The following DHDH variants were observed in gnomAD, a reference collection of about 807,000 sequenced individuals.
DHDH encodes the protein trans-1,2-dihydrobenzene-1,2-diol dehydrogenase.
Under a neutral mutation model 33.2 loss-of-function variants are expected in DHDH, and 29 were observed. That is an observed-to-expected ratio of 0.87 (90% CI 0.65 to 1.19). The LOEUF is 1.19. Among genes scored for constraint, DHDH ranks in the 50% most tolerant of loss-of-function variants. DHDH has a pLI of 0.00. For synonymous variants in DHDH, 201 were observed against 187.9 expected, an observed-to-expected ratio of 1.07 and a Z score of -0.57; for missense variants, 431 against 455.0, an observed-to-expected ratio of 0.95 and a Z score of 0.48.
chr19:48,942,372 T>C, intron 4 of DHDH, 68 bp from the exon 5 acceptor site: 3 of 1,425,758 alleles, frequency 2.1e-6, no homozygotes, highest in African/African-American at 1.4e-5. Context: ...CAGGCAGGAT[T>C]TGGGGCCTGT....
rs1270206683 is a variant in DHDH, at chr19:48,936,179, C to G, written c.350C>G (p.Ala117Gly). 5 of 1,596,908 alleles carry G rather than the reference C, an allele frequency of 3.1e-6. No individual in the cohort carries two copies. The highest frequency in any genetic ancestry group is 4.3e-6 in the Non-Finnish European group (5 of 1,173,046). Residue 117 changes from alanine to glycine, a missense_variant, in exon 3 of 7, where the codon GCC (alanine) becomes GGC (glycine). Ala to Gly is a moderately conservative substitution (Grantham distance 60). Transcript: ENST00000221403. ...REMVAEARSR[A>G]LFLMEAIWTR... is the part of the protein sequence containing the mutation. ...ATGGTCGCGGAGGCCCGATCCCGAG[C>G]CCTCTTCCTTATGGAGGTGAGGGCA... is the stretch of plus-strand genomic sequence containing the variant.
upstream of DHDH, chr19:48,933,683 T>C (rs773554408): frequency 1.9e-6 from 3 of 1,607,378 alleles, no homozygotes; most frequent in South Asian, 1.1e-5. Context: ...AATTCGCGCC[T>C]GGAGGGACCG....
chr19:48,936,006 G>A, intron 2 of DHDH, 26 bp from the exon 3 acceptor site: 2 of 1,576,024 alleles, frequency 1.3e-6, no homozygotes, highest in Admixed American at 1.9e-5. Context: ...CGGGGCTGCT[G>A]ACCTCTTGAC....
chr19:48,936,148 C>T lies in DHDH; in HGVS notation c.319C>T (p.Arg107Cys), dbSNP rs761438992. 1.2e-6 allele frequency: 2 copies of T among 1,607,700 alleles called. No homozygotes were observed. Among genetic ancestry groups the T allele is most frequent in the Non-Finnish European group, 1.7e-6 (2 of 1,177,898 alleles). The change falls in exon 3 of 7, where the codon CGC becomes TGC. Residue 107 changes from arginine to cysteine, a missense_variant. Physicochemically the swap from Arg to Cys is radical, Grantham distance 180. Coordinates refer to ENST00000221403, the MANE Select transcript of DHDH (RefSeq NM_014475.4). ...CACGGGCGTGAACGCGGCGGAAGTT[C>T]GCGAGATGGTCGCGGAGGCCCGATC... ...KPTGVNAAEV[R>C]EMVAEARSRA...
rs1384988330 is a variant in DHDH at position 48,934,871 on chromosome 19, GC to G, written c.91-124del. On this transcript the variant is annotated intron_variant, in intron 1 of 6. Transcript: ENST00000221403. The stretch of plus-strand genomic sequence containing the variant: ...CTCTTTCCCAGGGCCCAAATGTCCA[GC>G]CCCCGTCATCTCTTCCCCCAGGACC... The G allele has an allele frequency of 8.3e-6, 5 of 604,202 alleles. No homozygotes were observed. In the East Asian group the frequency reaches 1.3e-4, roughly 16 times the overall value. The allele number at this position is 604,202 out of a possible 1,614,324, so 37.4% of individuals were successfully genotyped here. A position where few individuals can be genotyped will look rare whatever the true frequency, so the allele number is the denominator to read the frequency against.
intron 5 of DHDH, 37 bp from the exon 6 acceptor site, chr19:48,944,320 G>A (rs79545002): frequency 0.063 from 101,817 of 1,612,236 alleles, 3,396 homozygotes; most frequent in African/African-American, 0.11. Flanking sequence ...CAGCACCGTT[G>A]GTGAAGGCAG....
At chr19:48,940,772 A>G (rs771470319) in intron 4 of DHDH, among the ~76,000 whole-genome samples, 26 of 152,078 alleles carry the variant, frequency 1.7e-4, no homozygotes, top group Non-Finnish European at 3.4e-4. Flanking sequence ...GGGAGGATCA[A>G]TTGAGCCTGG....
intron 5 of DHDH, among the ~76,000 whole-genome samples, chr19:48,943,750 C>T (rs561402112): frequency 2.0e-5 from 3 of 151,294 alleles, no homozygotes; most frequent in Admixed American, 6.6e-5. Flanking sequence ...TGCCTGAACC[C>T]GAGAGGCGGA....
In DHDH at chr19:48,942,548, C is replaced by G; in HGVS notation, c.728C>G (p.Thr243Ser). Reference sequence around the variant, plus strand: ...TCCAACACGGCCTCCGTGAGCGGCACCAAGGGCATGGTACAGGTGAGGCAT... The same window carrying G: ...TCCAACACGGCCTCCGTGAGCGGCAGCAAGGGCATGGTACAGGTGAGGCAT... ...QLSNTASVSGTKGMVQLLNPC... is the reference protein window; with the variant it reads ...QLSNTASVSGSKGMVQLLNPC... The change falls in exon 5 of 7, where the codon ACC (threonine) becomes AGC (serine). Residue 243 changes from threonine to serine, a missense_variant. Thr to Ser is a moderately conservative substitution (Grantham distance 58, BLOSUM62 1). Transcript: ENST00000221403. The G allele has an allele frequency of 6.2e-7, 1 of 1,613,620 alleles. No homozygotes were observed.
intron 4 of DHDH, among the ~76,000 whole-genome samples, chr19:48,940,625 G>T (rs1418577158): frequency 2.6e-5 from 4 of 152,106 alleles, no homozygotes; most frequent in Non-Finnish European, 5.9e-5. Context: ...AGGCTGAGGT[G>T]CGCGGATCAC....
intron 3 of DHDH, among the ~76,000 whole-genome samples, chr19:48,938,344 G>A (rs1007461500): frequency 2.6e-5 from 4 of 152,040 alleles, no homozygotes; most frequent in Admixed American, 2.6e-4. Flanking sequence ...TGATCCGCCC[G>A]CCTTGGCCTC....
At chr19:48,933,920 A>C in intron 1 of DHDH, 109 bp downstream of exon 1, 1 of 962,390 alleles carries the variant, frequency 1.0e-6, no homozygotes, top group African/African-American at 1.6e-5. Flanking sequence ...TCGTCATTGC[A>C]GTGAAACGTC....
chr19:48,937,258 G>A (rs1237049122), intron 3 of DHDH, among the ~76,000 whole-genome samples: 2 of 152,158 alleles, frequency 1.3e-5, no homozygotes, highest in Non-Finnish European at 2.9e-5. Flanking sequence ...CGGCTCCCCA[G>A]TGCCCTCAGG....
At chr19:48,932,901 T>C (rs2037723873), upstream of DHDH, among the ~76,000 whole-genome samples, 1 of 152,182 alleles carries the variant, frequency 6.6e-6, no homozygotes, top group Non-Finnish European at 1.5e-5. Flanking sequence ...GATGTTATCA[T>C]GATCTCTGCT....
At chr19:48,934,708 G>C (rs1261269519) in intron 1 of DHDH, among the ~76,000 whole-genome samples, 2 of 144,790 alleles carry the variant, frequency 1.4e-5, no homozygotes, top group Non-Finnish European at 1.5e-5. Flanking sequence ...TTTCTACATA[G>C]ACACAGTAAC....
chr19:48,943,385 G>GA lies in DHDH; in HGVS notation c.744+833dup, dbSNP rs56853050. On this transcript the variant is annotated intron_variant, in intron 5 of 6. Coordinates refer to ENST00000221403, the MANE Select transcript of DHDH (RefSeq NM_014475.4). ...TGGTCTTCCTGGGGCCTTGTTGCTA[G>GA]AAAAAAAAAAAACCCTATTTTATAG... Among the ~76,000 whole-genome samples the GA allele has an allele frequency of 1.0e-3, 148 of 145,688 alleles. 1 individual carries two copies. Among genetic ancestry groups the GA allele is most frequent in the Admixed American group, 1.2e-3 (17 of 14,536 alleles).
chr19:48,944,063 A>G (rs2037905423), intron 5 of DHDH, among the ~76,000 whole-genome samples: 2 of 152,158 alleles, frequency 1.3e-5, no homozygotes, highest in Admixed American at 1.3e-4. Context: ...ACACAAAGAT[A>G]AGCCCTCCTC....
At chr19:48,933,849 G>T (rs754510141) in intron 1 of DHDH, 38 bp downstream of exon 1, 10 of 1,590,688 alleles carry the variant, frequency 6.3e-6, no homozygotes, top group East Asian at 2.2e-5. Context: ...AGAGGAGGCG[G>T]GGGGCGGGAC....
intron 4 of DHDH, among the ~76,000 whole-genome samples, chr19:48,940,811 G>A (rs1383240931): frequency 1.3e-5 from 2 of 152,150 alleles, no homozygotes; most frequent in Non-Finnish European, 2.9e-5. Context: ...AACTGAGATG[G>A]TGCCACTGCA....
Sources: allele counts gnomAD v4.1 joint callset (sites outside exome capture counted in the v4.1 genomes callset), GRCh38; gene constraint gnomAD v4.1.1; transcripts MANE v1.5; gene names NCBI Gene and HGNC (gene_info 2026-07-23, HGNC 2026-07-21).